MAGI1: variants seen among roughly 807,000 people sequenced by gnomAD.
MAGI1 encodes membrane associated guanylate kinase, WW and PDZ domain containing 1, also known as membrane-associated guanylate kinase, WW and PDZ domain-containing protein 1.
Under a neutral mutation model 139.9 loss-of-function variants are expected in MAGI1, and 58 were observed. That is an observed-to-expected ratio of 0.41 (90% CI 0.34 to 0.52). The LOEUF (loss-of-function observed/expected upper bound fraction) is 0.52, where lower values mean the gene tolerates loss of function less well. Among genes scored for constraint, MAGI1 ranks in the 20% least tolerant of loss-of-function variants. The probability of loss-of-function intolerance (pLI) is 0.12; values close to 1 mark genes in which losing one functional copy is unlikely to be tolerated. For synonymous variants in MAGI1, 812 were observed against 737.9 expected, an observed-to-expected ratio of 1.10 and a Z score of -1.63; for missense variants, 1,874 against 1,901.6, an observed-to-expected ratio of 0.99 and a Z score of 0.27.
intron 2 of MAGI1, among the ~76,000 whole-genome samples, chr3:65,505,637 AAATAATAATAAT>A (rs142787163): frequency 1.0e-4 from 15 of 144,390 alleles, no homozygotes; most frequent in African/African-American, 3.3e-4. Context: ...ACAAAGTCTA[AAATAATAATAAT>A]AATAATAATA....
chr3:65,781,329 T>A (rs1211658053), intron 1 of MAGI1, among the ~76,000 whole-genome samples: 1 of 152,232 alleles, frequency 6.6e-6, no homozygotes, highest in East Asian at 1.9e-4. Flanking sequence ...TATACTTACA[T>A]GTGCTAGGCA....
intron 1 of MAGI1, among the ~76,000 whole-genome samples, chr3:65,856,069 G>C (rs1012590346): frequency 1.3e-5 from 2 of 152,064 alleles, no homozygotes; most frequent in African/African-American, 4.8e-5. Context: ...TGTGTCTACT[G>C]AGCATTTGAA....
intron 1 of MAGI1, among the ~76,000 whole-genome samples, chr3:65,639,251 C>T (rs2084833973): frequency 6.6e-6 from 1 of 152,174 alleles, no homozygotes; most frequent in South Asian, 2.1e-4. Context: ...AGTATTCTCT[C>T]CCAGTCTGTG....
Position 65,391,159 on chromosome 3 carries a change from C to T in MAGI1, c.2399G>A (p.Ser800Asn). 1.9e-6 allele frequency: 3 copies of T among 1,614,212 alleles called. No individual in the cohort carries two copies. Among genetic ancestry groups the T allele is most frequent in the Non-Finnish European group, 2.5e-6 (3 of 1,180,034 alleles). Residue 800 changes from serine to asparagine, a missense_variant, in exon 14 of 23, where the codon AGC (serine) becomes AAC (asparagine). Transcript: ENST00000402939. Reference protein sequence around the residue: ...DPFKIWAQSRSMYENRLPDYQ... With the variant: ...DPFKIWAQSRNMYENRLPDYQ... ...CTACTCACGTCGGTTTTCATACATG[C>T]TCCTGGACTGGGCCCAGATTTTAAA... is the stretch of plus-strand genomic sequence containing the variant.
At chr3:65,753,395 G>C (rs1042590939) in intron 1 of MAGI1, among the ~76,000 whole-genome samples, 1 of 152,136 alleles carries the variant, frequency 6.6e-6, no homozygotes, top group African/African-American at 2.4e-5. Context: ...CCTATGAACT[G>C]AGTATGGTTA....
At chr3:65,593,223 T>A (rs1179994426) in intron 2 of MAGI1, among the ~76,000 whole-genome samples, 1 of 152,138 alleles carries the variant, frequency 6.6e-6, no homozygotes, top group Admixed American at 6.5e-5. Flanking sequence ...TTAAAGCAAC[T>A]CTCTTTGGCA....
At chr3:65,550,835 G>T (rs2079791493) in intron 2 of MAGI1, among the ~76,000 whole-genome samples, 1 of 152,090 alleles carries the variant, frequency 6.6e-6, no homozygotes, top group Non-Finnish European at 1.5e-5. Context: ...TCTGGGTGTG[G>T]GGGCATGCAC....
intron 12 of MAGI1, among the ~76,000 whole-genome samples, chr3:65,407,993 T>C (rs955425343): frequency 1.3e-5 from 2 of 152,254 alleles, no homozygotes; most frequent in South Asian, 4.2e-4. Context: ...ATGGCCTTGA[T>C]TGAAAAATGT....
chr3:65,455,041 A>T (rs527761727), intron 5 of MAGI1, among the ~76,000 whole-genome samples: 33 of 152,338 alleles, frequency 2.2e-4, no homozygotes, highest in African/African-American at 7.5e-4. Context: ...CACAGTCTGC[A>T]CTACTCCTAC....
intron 1 of MAGI1, among the ~76,000 whole-genome samples, chr3:65,922,840 C>T (rs1037743120): frequency 2.0e-5 from 3 of 152,182 alleles, no homozygotes; most frequent in African/African-American, 7.2e-5. Context: ...AAATAATAAC[C>T]ACTGGCGTAT....
intron 1 of MAGI1, among the ~76,000 whole-genome samples, chr3:65,937,696 T>C (rs948662007): frequency 2.0e-5 from 3 of 152,012 alleles, no homozygotes; most frequent in Non-Finnish European, 4.4e-5. Flanking sequence ...TTTTGGGGTT[T>C]TTTTAGTTAC....
intron 1 of MAGI1, among the ~76,000 whole-genome samples, chr3:65,812,480 A>ACACACACACACACACACACACACACG (rs72383320): frequency 6.8e-6 from 1 of 146,110 alleles, no homozygotes; most frequent in African/African-American, 2.5e-5. Context: ...ACACACACAC[A>ACACACACACACACACACACACACACG]CACACACACA....
chr3:65,462,569 T>C (rs1357130721), intron 5 of MAGI1, among the ~76,000 whole-genome samples: 1 of 152,216 alleles, frequency 6.6e-6, no homozygotes. Context: ...TCCAGCTTTG[T>C]TCTTTTTGCT....
In MAGI1 at chr3:65,602,576, G is replaced by T. The variant is rs142697424; in HGVS notation, c.430+19396C>A. 2.2e-3 allele frequency among the ~76,000 whole-genome samples: 334 copies of T among 152,004 alleles called. 1 individual carries two copies. Among genetic ancestry groups the T allele is most frequent in the African/African-American group, 7.7e-3 (319 of 41,474 alleles). Reference sequence around the variant, plus strand: ...GGGATGTGACTATTAATGCATATAGGGTTTCTTTCTCGGGGTGATAAAAAC... The same window carrying T: ...GGGATGTGACTATTAATGCATATAGTGTTTCTTTCTCGGGGTGATAAAAAC... On this transcript the variant is annotated intron_variant, in intron 2 of 22. Coordinates refer to ENST00000402939, the MANE Select transcript of MAGI1 (RefSeq NM_001033057.2).
At chr3:65,652,285 T>A (rs1656303475) in intron 1 of MAGI1, among the ~76,000 whole-genome samples, 1 of 152,204 alleles carries the variant, frequency 6.6e-6, no homozygotes, top group Admixed American at 6.6e-5. Flanking sequence ...AAAATAGGAT[T>A]CATAGTCATT....
chr3:65,998,080 G>A (rs1432030753), intron 1 of MAGI1, among the ~76,000 whole-genome samples: 1 of 150,950 alleles, frequency 6.6e-6, no homozygotes, highest in African/African-American at 2.4e-5. Flanking sequence ...TCCAGCCTGG[G>A]CGACAGAGCT....
At position 65,383,582 on chromosome 3, in the gene MAGI1, C is replaced by T. The variant is rs1199997965; in HGVS notation, c.2458G>A (p.Glu820Lys). The T allele has an allele frequency of 6.2e-7, 1 of 1,613,872 alleles. No homozygotes were observed. Among genetic ancestry groups the T allele is most frequent in the Non-Finnish European group, 8.5e-7 (1 of 1,179,878 alleles). ...QEQDIFLWRK[E>K]TGFGFRILGG... is the part of the protein sequence containing the mutation. ...AGAATCCTAAATCCAAATCCAGTCT[C>T]TTTTCTCCAGAGGAAGATGTCCTGT... The change falls in exon 15 of 23, where the codon GAG becomes AAG. Residue 820 changes from glutamate to lysine, a missense_variant. By Grantham distance (56) the Glu-to-Lys change is moderately conservative. Transcript: ENST00000402939.
At chr3:65,982,591 C>T (rs1159278006) in intron 1 of MAGI1, among the ~76,000 whole-genome samples, 2 of 152,084 alleles carry the variant, frequency 1.3e-5, no homozygotes, top group Admixed American at 1.3e-4. Context: ...TAATATGCCA[C>T]GTGGAGTGAC....
chr3:65,505,270 ATAAT>A (rs2077235263), intron 2 of MAGI1, among the ~76,000 whole-genome samples: 1 of 152,186 alleles, frequency 6.6e-6, no homozygotes, highest in African/African-American at 2.4e-5. Flanking sequence ...TTAAAAGAAA[ATAAT>A]TATTTTGGTG....
Sources: gnomAD v4.1 joint callset for allele counts (sites outside exome capture counted in the v4.1 genomes callset) on GRCh38, gnomAD v4.1.1 for gene constraint, MANE v1.5 for transcripts, NCBI Gene and HGNC (gene_info 2026-07-23, HGNC 2026-07-21) for gene names.